CAMK1D: variants seen among roughly 807,000 people sequenced by gnomAD.
CAMK1D encodes calcium/calmodulin dependent protein kinase ID.
A neutral mutation model predicts 47.7 loss-of-function variants in CAMK1D; 9 were observed. That is an observed-to-expected ratio of 0.19 (90% CI 0.11 to 0.33). The LOEUF is 0.33. Ranked by LOEUF, CAMK1D falls within the 10% of genes least tolerant of loss-of-function variation. The pLI, the probability that CAMK1D is intolerant of heterozygous loss-of-function variation, is 1.00. For missense variants in CAMK1D, 291 were observed against 488.7 expected (o/e 0.60, Z 3.81); for synonymous variants, 184 against 184.9 (o/e 0.99, Z 0.04).
chr10:12,374,820 G>T (rs1204772787), intron 1 of CAMK1D, among the ~76,000 whole-genome samples: 3 of 151,528 alleles, frequency 2.0e-5, no homozygotes, highest in African/African-American at 7.3e-5. Context: ...GTGGGCGCTT[G>T]TAATCCCAGC....
At chr10:12,480,670 T>G (rs1277757923) in intron 1 of CAMK1D, among the ~76,000 whole-genome samples, 2 of 152,158 alleles carry the variant, frequency 1.3e-5, no homozygotes, top group African/African-American at 4.8e-5. Flanking sequence ...GCTCAGAGTT[T>G]AAGGGACTTG....
At chr10:12,396,660 A>C (rs960839560) in intron 1 of CAMK1D, among the ~76,000 whole-genome samples, 7 of 152,246 alleles carry the variant, frequency 4.6e-5, no homozygotes, top group African/African-American at 7.2e-5. Flanking sequence ...TTAAACAAGC[A>C]CTTACAATCT....
chr10:12,502,416 C>T (rs1039596479), intron 1 of CAMK1D, among the ~76,000 whole-genome samples: 4 of 152,070 alleles, frequency 2.6e-5, no homozygotes, highest in Admixed American at 6.5e-5. Flanking sequence ...GGCGATGAGG[C>T]GTCTTGGCTT....
chr10:12,451,146 A>G (rs946431565), intron 1 of CAMK1D, among the ~76,000 whole-genome samples: 1 of 152,208 alleles, frequency 6.6e-6, no homozygotes, highest in Non-Finnish European at 1.5e-5. Flanking sequence ...TTCATTCCTG[A>G]TAAAAGTTCC....
intron 2 of CAMK1D, among the ~76,000 whole-genome samples, chr10:12,650,963 C>T (rs1564468180): frequency 1.3e-5 from 2 of 152,200 alleles, no homozygotes; most frequent in South Asian, 2.1e-4. Flanking sequence ...GATTCGAGTT[C>T]GCTTCCCCTA....
chr10:12,725,484 A>G (rs140095678), intron 3 of CAMK1D: 24 of 154,594 alleles, frequency 1.6e-4, no homozygotes, highest in African/African-American at 5.5e-4. Flanking sequence ...CAGCTCAAAT[A>G]TATGAATCCA....
intron 3 of CAMK1D, among the ~76,000 whole-genome samples, chr10:12,721,511 A>ACCATCCATCCATCCAT (rs62870361): frequency 1.3e-3 from 195 of 150,760 alleles, no homozygotes; most frequent in Middle Eastern, 6.8e-3. Context: ...GCTACCATCC[A>ACCATCCATCCATCCAT]CCATCCATCC....
chr10:12,638,577 A>G (rs1388929780), intron 2 of CAMK1D, among the ~76,000 whole-genome samples: 1 of 152,052 alleles, frequency 6.6e-6, no homozygotes, highest in Non-Finnish European at 1.5e-5. Context: ...GACCCTGGCC[A>G]GCCTCCCCCT....
At chr10:12,634,605 C>G (rs1224810599) in intron 2 of CAMK1D, among the ~76,000 whole-genome samples, 1 of 152,198 alleles carries the variant, frequency 6.6e-6, no homozygotes, top group African/African-American at 2.4e-5. Context: ...CAGATGCCAT[C>G]CATGTAGGAG....
Position 12,651,940 on chromosome 10 carries a change from C to T in CAMK1D, c.225-14796C>T, listed in dbSNP as rs569798406. On this transcript the variant is annotated intron_variant, in intron 2 of 10. Transcript: ENST00000619168. The stretch of plus-strand genomic sequence containing the variant: ...ACTACAGGTGCCCGCCACCACGCCC[C>T]GCTAATTTTTTTGTATTTTCAGTAG... Among the ~76,000 whole-genome samples the T allele has an allele frequency of 1.6e-4, 24 of 151,734 alleles. No homozygotes were observed. In the South Asian group the frequency reaches 3.1e-3, roughly 20 times the overall value.
chr10:12,373,715 A>G (rs944973184), intron 1 of CAMK1D, among the ~76,000 whole-genome samples: 2 of 151,940 alleles, frequency 1.3e-5, no homozygotes, highest in Admixed American at 1.3e-4. Flanking sequence ...GCATGCTTAC[A>G]TCACCTGCTG....
In CAMK1D at chr10:12,527,414, G is replaced by T. The variant is rs540315729; in HGVS notation, c.93-25811G>T. On this transcript the variant is annotated intron_variant, in intron 1 of 10. Coordinates refer to ENST00000619168, the MANE Select transcript of CAMK1D (RefSeq NM_153498.4). ...CTGTTGCCCAGGCTGGAGTGCAGTGGTGTGATCTTGGCTCACTGCAACCTC... is the reference window on the plus strand; with the variant it reads ...CTGTTGCCCAGGCTGGAGTGCAGTGTTGTGATCTTGGCTCACTGCAACCTC... 2.0e-5 allele frequency among the ~76,000 whole-genome samples: 3 copies of T among 148,114 alleles called. No homozygotes were observed. The East Asian group carries it at 5.9e-4, about 29-fold the overall frequency.
intron 1 of CAMK1D, among the ~76,000 whole-genome samples, chr10:12,386,597 A>G (rs547700172): frequency 2.0e-5 from 3 of 152,360 alleles, no homozygotes; most frequent in African/African-American, 7.2e-5. Flanking sequence ...GTGGGCAGAC[A>G]ATATACTGCT....
chr10:12,791,032 G>A (rs1408620168), intron 5 of CAMK1D, 126 bp from the exon 6 acceptor site: 1 of 752,150 alleles, frequency 1.3e-6, no homozygotes, highest in Non-Finnish European at 2.3e-6. Context: ...ACATAAAATG[G>A]GTTATGTCTC....
At chr10:12,371,778 T>C (rs1230940054) in intron 1 of CAMK1D, among the ~76,000 whole-genome samples, 1 of 151,692 alleles carries the variant, frequency 6.6e-6, no homozygotes, top group African/African-American at 2.4e-5. Flanking sequence ...GTGATTCTCC[T>C]GCCTCAGCCT....
intron 2 of CAMK1D, among the ~76,000 whole-genome samples, chr10:12,649,215 AAC>A (rs1353665718): frequency 6.6e-6 from 1 of 152,236 alleles, no homozygotes; most frequent in African/African-American, 2.4e-5. Flanking sequence ...CGTACACACT[AAC>A]ACAGAGAGGC....
At chr10:12,754,228 C>T (rs1836128621) in intron 3 of CAMK1D, among the ~76,000 whole-genome samples, 1 of 152,154 alleles carries the variant, frequency 6.6e-6, no homozygotes, top group Non-Finnish European at 1.5e-5. Context: ...CCACCTCCTC[C>T]TGCCCCATCC....
chr10:12,606,081 T>C (rs1325479727), intron 2 of CAMK1D, among the ~76,000 whole-genome samples: 2 of 152,270 alleles, frequency 1.3e-5, no homozygotes, highest in Non-Finnish European at 2.9e-5. Context: ...CCCTTCCTCA[T>C]GCTTGCTTCA....
At chr10:12,655,747 G>A (rs1354240168) in intron 2 of CAMK1D, among the ~76,000 whole-genome samples, 8 of 152,190 alleles carry the variant, frequency 5.3e-5, no homozygotes, top group South Asian at 2.1e-4. Context: ...TCACTTGGGC[G>A]TTTCTGTATT....
Sources: gnomAD v4.1 joint callset for allele counts (sites outside exome capture counted in the v4.1 genomes callset) on GRCh38, gnomAD v4.1.1 for gene constraint, MANE v1.5 for transcripts, NCBI Gene and HGNC (gene_info 2026-07-23, HGNC 2026-07-21) for gene names.